The following ERCC3 variants were observed in gnomAD, a reference collection of about 807,000 sequenced individuals.
ERCC3 encodes general transcription and DNA repair factor IIH helicase/translocase subunit XPB.
In ERCC3, 66 loss-of-function variants were observed where a neutral mutation model predicts 94.2. That is an observed-to-expected ratio of 0.70 (90% confidence interval 0.57 to 0.86). ERCC3 has a LOEUF of 0.86. Among genes scored for constraint, ERCC3 ranks in the 40% least tolerant of loss-of-function variants. The probability of loss-of-function intolerance (pLI) is 0.00; values close to 1 mark genes in which losing one functional copy is unlikely to be tolerated. For synonymous variants in ERCC3, 349 were observed against 369.1 expected (o/e 0.95, Z 0.63); for missense variants, 829 against 987.1 (o/e 0.84, Z 2.15).
At position 127,292,766 on chromosome 2, in the gene ERCC3, C is replaced by T. The variant is rs201698871; in HGVS notation, c.315G>A (p.Glu105=). 1.6e-5 allele frequency: 26 copies of T among 1,613,888 alleles called. No individual in the cohort carries two copies. Among genetic ancestry groups the T allele is most frequent in the Admixed American group, 3.3e-5 (2 of 60,020 alleles). ...GCACATGGGTTGGTCGGCACACTGG[C>T]TCTGCAATAGCCACCAAGAAGTCTT... is the stretch of plus-strand genomic sequence containing the variant. ...YAQDFLVAIA[E]PVCRPTHVHE... The change falls in exon 3 of 15, where the codon GAG becomes GAA. Residue 105 remains glutamate (E), a synonymous_variant. Transcript: ENST00000285398.
At chr2:127,262,972 T>C (rs1483560212) in intron 12 of ERCC3, 1 of 152,228 alleles carries the variant, frequency 6.6e-6, no homozygotes, top group African/African-American at 2.4e-5. Flanking sequence ...TGGCTGCAGG[T>C]ACATGGCATT....
In ERCC3 at chr2:127,277,164, T is replaced by C. The variant is rs1684756766; in HGVS notation, c.1730+2009A>G. 6.6e-6 allele frequency among the ~76,000 whole-genome samples: 1 copy of C among 152,036 alleles called. No homozygotes were observed. Among genetic ancestry groups the C allele is most frequent in the Non-Finnish European group, 1.5e-5 (1 of 68,014 alleles). On this transcript the variant is annotated intron_variant, in intron 10 of 14. Coordinates refer to ENST00000285398, the MANE Select transcript of ERCC3 (RefSeq NM_000122.2). This position sits in a 1 kb window ranked among gnomAD's most constrained non-coding sequence, Gnocchi z 5.1. ...CCAAGGGAAACCCCATGGTAACAGCTGGTGGTGTCTCTAGTCCTAGACAGC... is the reference window on the plus strand; with the variant it reads ...CCAAGGGAAACCCCATGGTAACAGCCGGTGGTGTCTCTAGTCCTAGACAGC...
Position 127,257,744 on chromosome 2 carries a change from A to G in ERCC3, c.2218-17T>C. On this transcript the variant is annotated splice_polypyrimidine_tract_variant and intron_variant, in intron 14 of 14. Coordinates refer to ENST00000285398, the MANE Select transcript of ERCC3 (RefSeq NM_000122.2). This position sits in a 1 kb window ranked among gnomAD's most constrained non-coding sequence, Gnocchi z 5.4. The stretch of plus-strand genomic sequence containing the variant: ...CCGAGATGCCTGCCGGGAAGGGGGA[A>G]CCAGCCCATGTTAGTCTCCAGAAGA... 1 of 1,614,178 alleles carries G rather than the reference A, an allele frequency of 6.2e-7. No homozygotes were observed. Among genetic ancestry groups the G allele is most frequent in the Middle Eastern group, 1.6e-4 (1 of 6,062 alleles).
intron 8 of ERCC3, among the ~76,000 whole-genome samples, chr2:127,282,032 A>G (rs888125397): frequency 1.3e-5 from 2 of 152,082 alleles, no homozygotes; most frequent in Non-Finnish European, 2.9e-5. Flanking sequence ...CCCCTCTATT[A>G]CACTCTCCTA....
intron 12 of ERCC3, chr2:127,262,671 T>A (rs1425818332): frequency 6.6e-6 from 1 of 152,232 alleles, no homozygotes; most frequent in Non-Finnish European, 1.5e-5. Flanking sequence ...TGGCTGTGCA[T>A]GGATGAGGGT....
At chr2:127,276,085 C>T (rs1684729059) in intron 10 of ERCC3, among the ~76,000 whole-genome samples, 1 of 152,140 alleles carries the variant, frequency 6.6e-6, no homozygotes, top group Admixed American at 6.5e-5. Flanking sequence ...TCCAGGGATG[C>T]CCGGCAGAGA....
At chr2:127,293,968 C>T (rs553813659) in intron 1 of ERCC3, 86 bp downstream of exon 1, 56 of 1,560,420 alleles carry the variant, frequency 3.6e-5, no homozygotes, top group East Asian at 2.4e-4. Flanking sequence ...TCGGCCGGCG[C>T]AGAGGCCCGG....
chr2:127,284,964 C>T lies in ERCC3; in HGVS notation c.1342+1739G>A, dbSNP rs1685021415. The stretch of plus-strand genomic sequence containing the variant: ...GGCCTCCCAAAGTGCTAGGAGACTA[C>T]AGGTGTCAGCCACCATGCCCACTCC... On this transcript the variant is annotated intron_variant, in intron 8 of 14. Coordinates refer to ENST00000285398, the MANE Select transcript of ERCC3 (RefSeq NM_000122.2). The surrounding 1 kb of genome is among the most constrained non-coding windows in gnomAD (Gnocchi z 4.1). Among the ~76,000 whole-genome samples the T allele has an allele frequency of 6.6e-6, 1 of 152,164 alleles. No individual in the cohort carries two copies. Among genetic ancestry groups the T allele is most frequent in the South Asian group, 2.1e-4 (1 of 4,822 alleles).
intron 7 of ERCC3, among the ~76,000 whole-genome samples, chr2:127,288,334 A>G (rs1558961736): frequency 6.6e-6 from 1 of 151,786 alleles, no homozygotes; most frequent in Non-Finnish European, 1.5e-5. Flanking sequence ...TTACAATCTC[A>G]CCCCTCATGT....
At position 127,279,399 on chromosome 2, in the gene ERCC3, G is replaced by T. The variant is rs4150462; in HGVS notation, c.1528-24C>A. The T allele has an allele frequency of 2.7e-5, 42 of 1,557,812 alleles. No homozygotes were observed. In the South Asian group the frequency reaches 4.4e-4, roughly 16 times the overall value. ...ACCTGTAATACAGTAAGAACCAGGG[G>T]TCATTTTACAAGTTTAAACACCACA... On this transcript the variant is annotated intron_variant, in intron 9 of 14. Coordinates refer to ENST00000285398, the MANE Select transcript of ERCC3 (RefSeq NM_000122.2). The surrounding 1 kb of genome is among the most constrained non-coding windows in gnomAD (Gnocchi z 4.7).
At chr2:127,278,903 T>C (rs1047364769) in intron 10 of ERCC3, among the ~76,000 whole-genome samples, 3 of 152,176 alleles carry the variant, frequency 2.0e-5, no homozygotes, top group African/African-American at 7.2e-5. Context: ...AGATCTTCCA[T>C]GGGGCCCCAC....
Position 127,270,594 on chromosome 2 carries a change from T to G in ERCC3, c.1945+742A>C, listed in dbSNP as rs1356021143. Among the ~76,000 whole-genome samples, 3 of 152,226 alleles carry G rather than the reference T, an allele frequency of 2.0e-5. No individual in the cohort carries two copies. The East Asian group carries it at 5.8e-4, about 29-fold the overall frequency. On this transcript the variant is annotated intron_variant, in intron 12 of 14. Transcript: ENST00000285398. ...CAGATGCCCACTAATCTTGTCATTT[T>G]CAAACATTCTAGCAGTCCAGATGCC...
chr2:127,277,788 G>A lies in ERCC3; in HGVS notation c.1730+1385C>T, dbSNP rs1251785764. Among the ~76,000 whole-genome samples, 3 of 152,230 alleles carry A rather than the reference G, an allele frequency of 2.0e-5. No individual in the cohort carries two copies. The highest frequency in any genetic ancestry group is 4.4e-5 in the Non-Finnish European group (3 of 68,046). ...TGAATATTAAAGTAACCCCCAACTT[G>A]TGCTATTCCCATATTGGGAGAATGG... On this transcript the variant is annotated intron_variant, in intron 10 of 14. Transcript: ENST00000285398. The surrounding 1 kb of genome is among the most constrained non-coding windows in gnomAD (Gnocchi z 5.1).
intron 12 of ERCC3, among the ~76,000 whole-genome samples, chr2:127,269,335 T>A (rs116748382): frequency 0.014 from 2,090 of 151,982 alleles, 46 homozygotes; most frequent in African/African-American, 0.047. Context: ...GTTTCTCAAA[T>A]CTTACAAGAG....
chr2:127,286,895 T>C lies in ERCC3; in HGVS notation c.1150A>G (p.Ile384Val). The change falls in exon 8 of 15, where the codon ATT (isoleucine) becomes GTT (valine). Residue 384 changes from isoleucine (I) to valine (V), a missense_variant. Transcript: ENST00000285398. ...AACCGGCAGATCTGGCTGTCGTCAATGGTGGACCACATCTTGAACTGGGCT... is the reference window on the plus strand; with the variant it reads ...AACCGGCAGATCTGGCTGTCGTCAACGGTGGACCACATCTTGAACTGGGCT... Reference protein sequence around the residue: ...WKAQFKMWSTIDDSQICRFTS... With the variant: ...WKAQFKMWSTVDDSQICRFTS... The C allele has an allele frequency of 1.2e-6, 2 of 1,614,224 alleles. No individual in the cohort carries two copies. Among genetic ancestry groups the C allele is most frequent in the South Asian group, 1.1e-5 (1 of 91,086 alleles).
chr2:127,285,267 T>TGGATCATG (rs1685028330), intron 8 of ERCC3, among the ~76,000 whole-genome samples: 1 of 152,168 alleles, frequency 6.6e-6, no homozygotes, highest in African/African-American at 2.4e-5. Context: ...AATCTAAAAC[T>TGGATCATG]GGATCATGGT....
At chr2:127,287,068 A>G in intron 7 of ERCC3, 51 bp from the exon 8 acceptor site, 1 of 1,426,382 alleles carries the variant, frequency 7.0e-7, no homozygotes, top group East Asian at 2.3e-5. Context: ...GAAATGAAGG[A>G]CAGGGACAGG....
intron 10 of ERCC3, among the ~76,000 whole-genome samples, chr2:127,275,546 G>A (rs1684709732): frequency 6.6e-6 from 1 of 152,202 alleles, no homozygotes; most frequent in Non-Finnish European, 1.5e-5. Flanking sequence ...AGATGCTCGG[G>A]AGGCTGCGGC....
chr2:127,287,215 T>C (rs1161614372), intron 7 of ERCC3, among the ~76,000 whole-genome samples, 198 bp from the exon 8 acceptor site: 3 of 152,202 alleles, frequency 2.0e-5, no homozygotes, highest in African/African-American at 7.2e-5. Flanking sequence ...CATACATATG[T>C]GAGAAATGGC....
Sources: gnomAD v4.1 joint callset for allele counts (sites outside exome capture counted in the v4.1 genomes callset) on GRCh38, gnomAD v4.1.1 for gene constraint, Gnocchi (gnomAD v3.1) non-coding constraint, MANE v1.5 for transcripts, NCBI Gene and HGNC (gene_info 2026-07-23, HGNC 2026-07-21) for gene names.